Variants in UBA1 observed in about 807,000 individuals in gnomAD.
UBA1 encodes the protein ubiquitin-like modifier-activating enzyme 1.
A neutral mutation model predicts 84.7 loss-of-function variants in UBA1; 4 were observed. The ratio of observed to expected loss-of-function variants is 0.05; its 90% CI spans 0.02 to 0.11. The LOEUF is 0.11. Among genes scored for constraint, UBA1 ranks in the 10% least tolerant of loss-of-function variants. The pLI, the probability that UBA1 is intolerant of heterozygous loss-of-function variation, is 1.00. For synonymous variants in UBA1, 364 were observed against 362.6 expected, an observed-to-expected ratio of 1.00 and a Z score of -0.04; for missense variants, 513 against 902.8, an observed-to-expected ratio of 0.57 and a Z score of 5.53.
intron 21 of UBA1, 33 bp downstream of exon 21, chrX:47,212,545 A>G: frequency 8.8e-7 from 1 of 1,135,324 alleles, no homozygotes; most frequent in African/African-American, 1.8e-5. Flanking sequence ...GGGAAGGAGG[A>G]TGGGCAAAGC....
chrX:47,199,742 G>A (rs1443203712), intron 5 of UBA1, 128 bp downstream of exon 5: 4 of 814,099 alleles, frequency 4.9e-6, no homozygotes, highest in East Asian at 3.2e-5. Flanking sequence ...GGGGACTAGA[G>A]TATGCAGGCA....
chrX:47,214,729 C>T, intron 25 of UBA1, 65 bp from the exon 26 acceptor site: 1 of 1,202,467 alleles, frequency 8.3e-7, no homozygotes, highest in South Asian at 1.8e-5. Flanking sequence ...CTGCCCCTAC[C>T]TACCTGCCCA....
chrX:47,212,094 C>T (rs1556793645), intron 20 of UBA1, among the ~76,000 whole-genome samples: 1 of 105,653 alleles, frequency 9.5e-6, no homozygotes, highest in African/African-American at 3.5e-5. Context: ...TCTGTGTTCC[C>T]CCCATCTTGC....
chrX:47,197,925 A>G lies in UBA1; in HGVS notation c.1-878A>G. The G allele has an allele frequency of 3.8e-6, 3 of 795,724 alleles. No homozygotes were observed. The South Asian group carries it at 1.4e-4, about 38-fold the overall frequency. 65.6% of individuals were successfully genotyped at this position (795,724 alleles called of 1,213,427 possible). On this transcript the variant is annotated intron_variant, in intron 1 of 25. Transcript: ENST00000335972. ...AGTACCCTGAGGACAGAGTGAGACGAGGTTTAGAGAAGTGCTTACTATGGC... is the reference window on the plus strand; with the variant it reads ...AGTACCCTGAGGACAGAGTGAGACGGGGTTTAGAGAAGTGCTTACTATGGC...
intron 16 of UBA1, among the ~76,000 whole-genome samples, chrX:47,208,229 T>A (rs782605328): frequency 8.9e-6 from 1 of 112,931 alleles, no homozygotes; most frequent in African/African-American, 3.2e-5. Context: ...ATTGGCACAA[T>A]CATAGCTCAC....
rs1484339050 is a variant in UBA1 at position 47,203,750 on chromosome X, T to TC, written c.1575+54_1575+55insC. On this transcript the variant is annotated intron_variant, in intron 14 of 25. Coordinates refer to ENST00000335972, the MANE Select transcript of UBA1 (RefSeq NM_003334.4). Reference sequence around the variant, plus strand: ...TCGTCTCACTTTCCTCCTTTTTCTTTTTTTTTTTTTTTTTGAGACGGAGTT... The same window carrying TC: ...TCGTCTCACTTTCCTCCTTTTTCTTTCTTTTTTTTTTTTTTGAGACGGAGTT... 16 of 976,416 alleles carry TC rather than the reference T, an allele frequency of 1.6e-5. No individual in the cohort carries two copies. The East Asian group carries it at 5.0e-4, about 30-fold the overall frequency. 80.5% of individuals were successfully genotyped at this position (976,416 alleles called of 1,213,427 possible).
At chrX:47,195,231 G>C (rs781931017) in intron 1 of UBA1, among the ~76,000 whole-genome samples, 1 of 111,064 alleles carries the variant, frequency 9.0e-6, no homozygotes, top group South Asian at 3.8e-4. Flanking sequence ...CCCCCCACAG[G>C]CCTTCTTGTT....
In UBA1 at chrX:47,210,915, A is replaced by G. The variant is rs782727078; in HGVS notation, c.2273A>G (p.Asn758Ser). Residue 758 changes from asparagine (N) to serine (S), a missense_variant and splice_region_variant, in exon 19 of 26, where the codon AAT becomes AGT. Physicochemically the swap from Asn to Ser is conservative, Grantham distance 46 (BLOSUM62 1). Around this residue, in one of 6 missense-constraint regions of UBA1, gnomAD observed 151 missense variants for 260.1 expected, o/e 0.58. Transcript: ENST00000335972. ...CACCCGCTCACCTTTGATGTCAACA[A>G]TGTAAGTCTCCTTTCTAGGGTCTTC... Reference protein sequence around the residue: ...CPHPLTFDVNNPLHLDYVMAA... With the variant: ...CPHPLTFDVNSPLHLDYVMAA... 6.6e-6 allele frequency: 8 copies of G among 1,209,343 alleles called. No individual in the cohort carries two copies. The East Asian group carries it at 1.5e-4, about 22-fold the overall frequency.
In UBA1 at chrX:47,203,523, T is replaced by A. The variant is rs372944361; in HGVS notation, c.1420-18T>A. Reference sequence around the variant, plus strand: ...TCACCCTGACCAGCCTCTGCCTGTCTTCTTGGTTGCTTCTTAGGTGGGTGC... The same window carrying A: ...TCACCCTGACCAGCCTCTGCCTGTCATCTTGGTTGCTTCTTAGGTGGGTGC... On this transcript the variant is annotated intron_variant, in intron 13 of 25. Transcript: ENST00000335972. 4 of 1,209,557 alleles carry A rather than the reference T, an allele frequency of 3.3e-6. No individual in the cohort carries two copies. Among genetic ancestry groups the A allele is most frequent in the Middle Eastern group, 4.6e-4 (2 of 4,339 alleles).
chrX:47,198,713 A>T, intron 1 of UBA1, 90 bp from the exon 2 acceptor site: 1 of 893,840 alleles, frequency 1.1e-6, no homozygotes, highest in Non-Finnish European at 1.6e-6. Context: ...ACTAATACTT[A>T]AGTCTTCCCT....
chrX:47,214,449 T>C, intron 24 of UBA1, 21 bp downstream of exon 24: 1 of 1,206,428 alleles, frequency 8.3e-7, no homozygotes, highest in Non-Finnish European at 1.1e-6. Flanking sequence ...TCCCTTACTC[T>C]GTCACCCCAC....
At chrX:47,205,230 G>A in intron 14 of UBA1, 1 of 229,416 alleles carries the variant, frequency 4.4e-6, no homozygotes, top group Admixed American at 5.6e-5. Flanking sequence ...GGGATCCAGG[G>A]GAGGATTCTG....
In UBA1 at chrX:47,211,214, A is replaced by G. The variant is rs781800261; in HGVS notation, c.2453A>G (p.Asn818Ser). The change falls in exon 20 of 26, where the codon AAT (asparagine) becomes AGT (serine). Residue 818 changes from asparagine (N) to serine (S), a missense_variant. Around this residue, in one of 6 missense-constraint regions of UBA1, gnomAD observed 151 missense variants for 260.1 expected, o/e 0.58. Transcript: ENST00000335972. Reference protein sequence around the residue: ...HVSDQELQSANASVDDSRLEE... With the variant: ...HVSDQELQSASASVDDSRLEE... ...TCTGACCAGGAGCTGCAGAGCGCCAATGCCTCTGTTGGTGAGGGTGTTTGG... is the reference window on the plus strand; with the variant it reads ...TCTGACCAGGAGCTGCAGAGCGCCAGTGCCTCTGTTGGTGAGGGTGTTTGG... 8.3e-6 allele frequency: 10 copies of G among 1,207,929 alleles called. No individual in the cohort carries two copies. The East Asian group carries it at 2.1e-4, about 25-fold the overall frequency.
intron 5 of UBA1, among the ~76,000 whole-genome samples, chrX:47,199,992 A>G (rs1204295488): frequency 1.8e-5 from 2 of 109,839 alleles, no homozygotes; most frequent in Non-Finnish European, 3.8e-5. Context: ...TCACTGTGTT[A>G]GCCAGGGTGG....
Position 47,201,632 on chromosome X carries a change from A to G in UBA1, c.811+22A>G, listed in dbSNP as rs782299302. The stretch of plus-strand genomic sequence containing the variant: ...CTGGGTGAGCTGCGACCATGGGGGA[A>G]GCAGAGGGGAACTAGAAGATATGTT... On this transcript the variant is annotated intron_variant, in intron 8 of 25. Transcript: ENST00000335972. 4.1e-6 allele frequency: 5 copies of G among 1,207,027 alleles called. No individual in the cohort carries two copies. The East Asian group carries it at 1.2e-4, about 29-fold the overall frequency.
Position 47,215,042 on chromosome X carries a change from C to T in UBA1, c.*113C>T, listed in dbSNP as rs782605534. 1.0e-5 allele frequency: 11 copies of T among 1,052,274 alleles called. No individual in the cohort carries two copies. In the African/African-American group the frequency reaches 1.5e-4, roughly 14 times the overall value. The allele number at this position is 1,052,274 out of a possible 1,213,427, so 86.7% of individuals were successfully genotyped here. A position where few individuals can be genotyped will look rare whatever the true frequency, so the allele number is the denominator to read the frequency against. On this transcript the variant is annotated 3_prime_UTR_variant, in exon 26 of 26. Transcript: ENST00000335972. ...CCCAACTAGCCAAGTCTGGTGTTCCCTCATCATCCCCCTACCTGAACCCCT... is the reference window on the plus strand; with the variant it reads ...CCCAACTAGCCAAGTCTGGTGTTCCTTCATCATCCCCCTACCTGAACCCCT...
intron 1 of UBA1, among the ~76,000 whole-genome samples, chrX:47,195,288 C>T (rs1418285936): frequency 1.8e-5 from 2 of 110,906 alleles, no homozygotes; most frequent in South Asian, 3.9e-4. Flanking sequence ...TTCACTATGT[C>T]GTCCAGGCTG....
intron 14 of UBA1, chrX:47,205,622 T>TG (rs1936636598): frequency 2.5e-5 from 9 of 364,113 alleles, no homozygotes; most frequent in South Asian, 2.4e-4. Flanking sequence ...CAGCTCTTTG[T>TG]GGGGCCGAGG....
At chrX:47,203,747 CTTT>C (rs781978873) in intron 14 of UBA1, 51 bp downstream of exon 14, 814 of 834,274 alleles carry the variant, frequency 9.8e-4, no homozygotes, top group Middle Eastern at 1.9e-3. Context: ...CCTCCTTTTT[CTTT>C]TTTTTTTTTT....
Sources: allele counts gnomAD v4.1 joint callset (sites outside exome capture counted in the v4.1 genomes callset), GRCh38; gene constraint gnomAD v4.1.1; regional missense constraint gnomAD v4.1.1; transcripts MANE v1.5; gene names NCBI Gene and HGNC (gene_info 2026-07-23, HGNC 2026-07-21).